Variants in ZNF609 observed in about 807,000 individuals in gnomAD.
ZNF609 encodes zinc finger protein 609.
ZNF609 carries 11 observed loss-of-function variants against 109.5 expected under a neutral mutation model. The ratio of observed to expected loss-of-function variants is 0.10; its 90% CI spans 0.06 to 0.17. The LOEUF (loss-of-function observed/expected upper bound fraction) is 0.17, where lower values mean the gene tolerates loss of function less well. Ranked by LOEUF, ZNF609 falls within the 10% of genes least tolerant of loss-of-function variation. ZNF609 has a pLI of 1.00. For missense variants in ZNF609, 1,559 were observed against 1,772.4 expected (o/e 0.88, Z 2.16); for synonymous variants, 646 against 662.0 (o/e 0.98, Z 0.37).
chr15:64,607,862 TC>T lies in ZNF609; in HGVS notation c.748-14964del, dbSNP rs1567027727. ...TTCTTTCTTTCTTTCTTTCTTTCTT[TC>T]TTTCTTTCTTTCTTTCTTCTTTCTT... On this transcript the variant is annotated intron_variant, in intron 2 of 9. Coordinates refer to ENST00000326648, the MANE Select transcript of ZNF609 (RefSeq NM_015042.2). Among the ~76,000 whole-genome samples the T allele has an allele frequency of 2.1e-4, 9 of 43,864 alleles. 3 individuals carry two copies. The highest frequency in any genetic ancestry group is 5.4e-4 in the Non-Finnish European group (9 of 16,652). 28.8% of individuals were successfully genotyped at this position (43,864 alleles called of 152,430 possible).
chr15:64,554,253 T>C (rs1000586238), intron 2 of ZNF609, among the ~76,000 whole-genome samples: 2 of 152,218 alleles, frequency 1.3e-5, no homozygotes, highest in African/African-American at 4.8e-5. Flanking sequence ...TCCTCTTCTA[T>C]TCCTGGCGTG....
At chr15:64,546,016 A>G (rs1894352995) in intron 2 of ZNF609, among the ~76,000 whole-genome samples, 1 of 152,210 alleles carries the variant, frequency 6.6e-6, no homozygotes, top group Non-Finnish European at 1.5e-5. Context: ...TTAGATAAAT[A>G]CATACACATG....
intron 3 of ZNF609, among the ~76,000 whole-genome samples, chr15:64,662,439 T>C (rs1896592195): frequency 6.6e-6 from 1 of 152,062 alleles, no homozygotes; most frequent in African/African-American, 2.4e-5. Context: ...GATCCCCCCA[T>C]GTCAGCCTCC....
chr15:64,616,439 A>C (rs550531656), intron 2 of ZNF609, among the ~76,000 whole-genome samples: 1 of 150,044 alleles, frequency 6.7e-6, no homozygotes. Context: ...GCCTTTCTCT[A>C]TTCTCTCAAG....
intron 2 of ZNF609, among the ~76,000 whole-genome samples, chr15:64,613,911 A>G (rs1327914774): frequency 6.6e-6 from 1 of 151,430 alleles, no homozygotes. Flanking sequence ...GGTTCAAATA[A>G]TTGAAGATTT....
At chr15:64,615,648 G>A in intron 2 of ZNF609, among the ~76,000 whole-genome samples, 1 of 151,158 alleles carries the variant, frequency 6.6e-6, no homozygotes, top group African/African-American at 2.4e-5. Flanking sequence ...CACCATGCCT[G>A]GCTAATTTTT....
intron 3 of ZNF609, among the ~76,000 whole-genome samples, chr15:64,630,264 T>C (rs935839016): frequency 6.6e-6 from 1 of 150,438 alleles, no homozygotes; most frequent in Non-Finnish European, 1.5e-5. Context: ...TAGAGATGGG[T>C]TTTCACCATG....
chr15:64,492,980 C>T (rs140674772), intron 1 of ZNF609, among the ~76,000 whole-genome samples: 26 of 152,246 alleles, frequency 1.7e-4, no homozygotes, highest in Non-Finnish European at 3.2e-4. Flanking sequence ...TGGTCTCAAG[C>T]AGATTATAAT....
At position 64,502,291 on chromosome 15, in the gene ZNF609, A is replaced by G. The variant is rs367644620; in HGVS notation, c.747+2125A>G. On this transcript the variant is annotated intron_variant, in intron 2 of 9. Coordinates refer to ENST00000326648, the MANE Select transcript of ZNF609 (RefSeq NM_015042.2). ...GTGCCTTTCCATATTACCTTTGGCT[A>G]TTGAAATAAATAATTATTTAAATAA... 5.3e-5 allele frequency: 8 copies of G among 152,332 alleles called. No individual in the cohort carries two copies. The South Asian group carries it at 6.2e-4, about 12-fold the overall frequency. The allele number at this position is 152,332 out of a possible 1,614,324, so 9.4% of individuals were successfully genotyped here.
chr15:64,651,144 A>G (rs1896410273), intron 3 of ZNF609, among the ~76,000 whole-genome samples: 1 of 152,170 alleles, frequency 6.6e-6, no homozygotes, highest in South Asian at 2.1e-4. Flanking sequence ...TCTTAACTTT[A>G]TGTAAGCCTG....
At chr15:64,545,441 C>T (rs574058158) in intron 2 of ZNF609, among the ~76,000 whole-genome samples, 1 of 152,282 alleles carries the variant, frequency 6.6e-6, no homozygotes, top group African/African-American at 2.4e-5. Context: ...TCAAGGAATT[C>T]ACCTGCCTCA....
intron 2 of ZNF609, among the ~76,000 whole-genome samples, chr15:64,601,015 T>C (rs1408409263): frequency 1.3e-5 from 2 of 152,162 alleles, no homozygotes; most frequent in African/African-American, 4.8e-5. Context: ...CTCCCATTTG[T>C]TCCCCACACT....
chr15:64,603,232 T>G (rs893685400), intron 2 of ZNF609, among the ~76,000 whole-genome samples: 3 of 151,954 alleles, frequency 2.0e-5, no homozygotes, highest in Admixed American at 6.6e-5. Context: ...AGCCCAGATT[T>G]TTCTTACCTC....
intron 1 of ZNF609, among the ~76,000 whole-genome samples, chr15:64,461,386 A>G (rs762636074): frequency 3.3e-5 from 5 of 151,970 alleles, no homozygotes; most frequent in Admixed American, 6.6e-5. Flanking sequence ...CTTTTCTTCA[A>G]GATGGAGGGA....
At chr15:64,609,650 C>T (rs764317674) in intron 2 of ZNF609, among the ~76,000 whole-genome samples, 1 of 151,270 alleles carries the variant, frequency 6.6e-6, no homozygotes, top group Non-Finnish European at 1.5e-5. Flanking sequence ...AGGGATATAG[C>T]CTACCTAAAC....
At chr15:64,613,890 C>A (rs1895756017) in intron 2 of ZNF609, among the ~76,000 whole-genome samples, 1 of 151,358 alleles carries the variant, frequency 6.6e-6, no homozygotes, top group Admixed American at 6.6e-5. Context: ...AAATTCCAGT[C>A]AACAGAAAGT....
chr15:64,470,060 AG>A (rs1893072460), intron 1 of ZNF609, among the ~76,000 whole-genome samples: 1 of 152,206 alleles, frequency 6.6e-6, no homozygotes, highest in African/African-American at 2.4e-5. Context: ...ACTGAGTACA[AG>A]TTGAGTTGCC....
At chr15:64,672,699 C>T (rs1896752324) in intron 4 of ZNF609, among the ~76,000 whole-genome samples, 1 of 151,008 alleles carries the variant, frequency 6.6e-6, no homozygotes, top group Admixed American at 6.6e-5. Flanking sequence ...GGTGCAGTGG[C>T]TCACGCCTGT....
chr15:64,599,459 C>T (rs1469071373), intron 2 of ZNF609, among the ~76,000 whole-genome samples: 1 of 152,076 alleles, frequency 6.6e-6, no homozygotes, highest in East Asian at 1.9e-4. Context: ...CATCTCTCAG[C>T]CATCTTAATC....
Sources: gnomAD v4.1 joint callset for allele counts (sites outside exome capture counted in the v4.1 genomes callset) on GRCh38, gnomAD v4.1.1 for gene constraint, MANE v1.5 for transcripts, NCBI Gene and HGNC (gene_info 2026-07-23, HGNC 2026-07-21) for gene names.